Variants in CTNND2 observed in about 807,000 individuals in gnomAD.
CTNND2 encodes catenin delta-2.
A neutral mutation model predicts 144.4 loss-of-function variants in CTNND2; 22 were observed. The observed-to-expected ratio is 0.15, with a 90% CI of 0.11 to 0.22. CTNND2 has a LOEUF of 0.22. Among genes scored for constraint, CTNND2 ranks in the 10% least tolerant of loss-of-function variants. The probability of loss-of-function intolerance (pLI) is 1.00; values close to 1 mark genes in which losing one functional copy is unlikely to be tolerated. For missense variants in CTNND2, 1,353 were observed against 1,618.8 expected (o/e 0.84, Z 2.82); for synonymous variants, 751 against 695.6 (o/e 1.08, Z -1.25).
At chr5:11,651,951 T>G (rs796836960) in intron 2 of CTNND2, among the ~76,000 whole-genome samples, 4 of 152,318 alleles carry the variant, frequency 2.6e-5, no homozygotes, top group African/African-American at 9.6e-5. Context: ...CTTTGGACCG[T>G]GAACTTCTGA....
At chr5:11,366,079 T>C (rs1476919258) in intron 7 of CTNND2, among the ~76,000 whole-genome samples, 5 of 152,310 alleles carry the variant, frequency 3.3e-5, no homozygotes, top group East Asian at 1.9e-4. Flanking sequence ...GATTCCTTGA[T>C]CTTGGCCATG....
At chr5:11,188,219 T>C (rs745706940) in intron 11 of CTNND2, among the ~76,000 whole-genome samples, 1 of 152,164 alleles carries the variant, frequency 6.6e-6, no homozygotes, top group Non-Finnish European at 1.5e-5. Context: ...CCATCAGTGA[T>C]AGACTGGATA....
chr5:11,583,212 A>G (rs1445372785), intron 2 of CTNND2, among the ~76,000 whole-genome samples: 1 of 152,186 alleles, frequency 6.6e-6, no homozygotes, highest in African/African-American at 2.4e-5. Context: ...TTCTGACACC[A>G]GTAATTCACA....
In CTNND2 at chr5:10,988,262, G is replaced by A. The variant is rs367633567; in HGVS notation, c.3212-20C>T. ...CACTTGCTACATAAAGAAATCAAAA[G>A]GGGGATTTTCTGCATCTCATCCCAC... On this transcript the variant is annotated intron_variant, in intron 19 of 21. Transcript: ENST00000304623. This position sits in a 1 kb window ranked among gnomAD's most constrained non-coding sequence, Gnocchi z 5.9. 58 of 1,613,822 alleles carry A rather than the reference G, an allele frequency of 3.6e-5. 2 individuals are homozygous for A. In the South Asian group the frequency reaches 6.2e-4, roughly 17 times the overall value.
At chr5:11,652,357 C>T (rs1782687525) in intron 2 of CTNND2, among the ~76,000 whole-genome samples, 1 of 151,546 alleles carries the variant, frequency 6.6e-6, no homozygotes, top group Non-Finnish European at 1.5e-5. Context: ...CTTGTACAGC[C>T]TGCAGAAGTG....
At chr5:11,687,312 C>A (rs1468099757) in intron 2 of CTNND2, among the ~76,000 whole-genome samples, 1 of 152,260 alleles carries the variant, frequency 6.6e-6, no homozygotes, top group Non-Finnish European at 1.5e-5. Context: ...GGGCCGTGAT[C>A]ATTGGCCTCC....
chr5:10,988,266 G>A lies in CTNND2; in HGVS notation c.3212-24C>T. On this transcript the variant is annotated intron_variant, in intron 19 of 21. Transcript: ENST00000304623. The surrounding 1 kb of genome is among the most constrained non-coding windows in gnomAD (Gnocchi z 5.9). ...TGCTACATAAAGAAATCAAAAGGGGGATTTTCTGCATCTCATCCCACAGCG... is the reference window on the plus strand; with the variant it reads ...TGCTACATAAAGAAATCAAAAGGGGAATTTTCTGCATCTCATCCCACAGCG... 6.2e-7 allele frequency: 1 copy of A among 1,613,814 alleles called. No homozygotes were observed. The highest frequency in any genetic ancestry group is 8.5e-7 in the Non-Finnish European group (1 of 1,179,828).
chr5:11,005,586 A>T (rs570437047), intron 18 of CTNND2, among the ~76,000 whole-genome samples: 2 of 152,274 alleles, frequency 1.3e-5, no homozygotes, highest in African/African-American at 4.8e-5. Flanking sequence ...TAGAGTGGAG[A>T]TAAGAAAGAA....
chr5:11,765,451 T>A (rs13155877), intron 1 of CTNND2, among the ~76,000 whole-genome samples: 145,701 of 152,292 alleles, frequency 0.96, 70,015 homozygotes, highest in East Asian at 1. Flanking sequence ...GAACCTTAGA[T>A]GATGAGACTG....
At chr5:11,419,112 A>C (rs1440197062) in intron 3 of CTNND2, among the ~76,000 whole-genome samples, 1 of 151,414 alleles carries the variant, frequency 6.6e-6, no homozygotes, top group African/African-American at 2.4e-5. Flanking sequence ...AAAGGTATCA[A>C]ATTCAAGATG....
At chr5:11,663,449 T>C (rs1035808984) in intron 2 of CTNND2, among the ~76,000 whole-genome samples, 7 of 152,134 alleles carry the variant, frequency 4.6e-5, no homozygotes, top group African/African-American at 9.7e-5. Flanking sequence ...AGAACAGAGA[T>C]ATTCCTGGAA....
At chr5:11,874,443 T>C (rs1464610062) in intron 1 of CTNND2, among the ~76,000 whole-genome samples, 1 of 152,068 alleles carries the variant, frequency 6.6e-6, no homozygotes, top group Non-Finnish European at 1.5e-5. Flanking sequence ...AATAATACAA[T>C]AGGACAAGTA....
At chr5:11,212,103 G>A (rs1202751194) in intron 10 of CTNND2, among the ~76,000 whole-genome samples, 3 of 152,036 alleles carry the variant, frequency 2.0e-5, no homozygotes, top group Non-Finnish European at 4.4e-5. Flanking sequence ...TCTCTCATAT[G>A]TTTTGAAGAT....
intron 16 of CTNND2, among the ~76,000 whole-genome samples, chr5:11,040,097 T>A (rs992064574): frequency 4.6e-5 from 7 of 151,378 alleles, no homozygotes; most frequent in African/African-American, 1.7e-4. Flanking sequence ...TCCGAAAAAA[T>A]TAGCTGGGCA....
intron 2 of CTNND2, among the ~76,000 whole-genome samples, chr5:11,618,680 T>C (rs1188232828): frequency 2.0e-5 from 3 of 152,246 alleles, no homozygotes; most frequent in African/African-American, 7.2e-5. Context: ...TACCACTGCA[T>C]GGTACAGTTT....
In CTNND2 at chr5:11,384,596, C is replaced by A; in HGVS notation, c.1177+69G>T. Reference sequence around the variant, plus strand: ...GCGCCCGGCTTCGCTTCTGCTCAAGCCGGGCTGCTGCTTCCGCGTCCCCGC... The same window carrying A: ...GCGCCCGGCTTCGCTTCTGCTCAAGACGGGCTGCTGCTTCCGCGTCCCCGC... On this transcript the variant is annotated intron_variant, in intron 7 of 21. Transcript: ENST00000304623. The surrounding 1 kb of genome is among the most constrained non-coding windows in gnomAD (Gnocchi z 5.2). The A allele has an allele frequency of 6.9e-7, 1 of 1,459,354 alleles. No homozygotes were observed. The highest frequency in any genetic ancestry group is 1.4e-5 in the African/African-American group (1 of 70,712). The allele number at this position is 1,459,354 out of a possible 1,614,324, so 90.4% of individuals were successfully genotyped here. A position where few individuals can be genotyped will look rare whatever the true frequency, so the allele number is the denominator to read the frequency against.
intron 3 of CTNND2, among the ~76,000 whole-genome samples, chr5:11,459,528 T>C (rs1179892336): frequency 1.3e-5 from 2 of 152,208 alleles, no homozygotes; most frequent in Non-Finnish European, 2.9e-5. Context: ...GCACCATGTA[T>C]GGGGACAGAC....
At chr5:11,686,871 C>A (rs1784678457) in intron 2 of CTNND2, among the ~76,000 whole-genome samples, 1 of 147,972 alleles carries the variant, frequency 6.8e-6, no homozygotes, top group South Asian at 2.1e-4. Context: ...ATACATACTA[C>A]ATATACTATA....
intron 9 of CTNND2, among the ~76,000 whole-genome samples, chr5:11,341,583 C>T (rs1025804185): frequency 3.3e-5 from 5 of 152,166 alleles, no homozygotes; most frequent in Non-Finnish European, 5.9e-5. Context: ...GAGAATTGGA[C>T]CCTGAAAAAT....
Sources: gnomAD v4.1 joint callset for allele counts (sites outside exome capture counted in the v4.1 genomes callset) on GRCh38, gnomAD v4.1.1 for gene constraint, Gnocchi (gnomAD v3.1) non-coding constraint, MANE v1.5 for transcripts, NCBI Gene and HGNC (gene_info 2026-07-23, HGNC 2026-07-21) for gene names.